Variants in CACNA1E observed in about 807,000 individuals in gnomAD.
CACNA1E encodes calcium voltage-gated channel subunit alpha1 E.
CACNA1E carries 40 observed loss-of-function variants against 259.2 expected under a neutral mutation model. That is an observed-to-expected ratio of 0.15 (90% CI 0.12 to 0.20). The LOEUF (loss-of-function observed/expected upper bound fraction) is 0.20, where lower values mean the gene tolerates loss of function less well. Ranked by LOEUF, CACNA1E falls within the 10% of genes least tolerant of loss-of-function variation. The probability of loss-of-function intolerance (pLI) is 1.00; values close to 1 mark genes in which losing one functional copy is unlikely to be tolerated. For missense variants in CACNA1E, 1,874 were observed against 3,040.1 expected (o/e 0.62, Z 9.02); for synonymous variants, 1,104 against 1,138.5 (o/e 0.97, Z 0.61).
At chr1:181,332,391 A>G (rs1393212055) in intron 1 of CACNA1E, among the ~76,000 whole-genome samples, 5 of 152,238 alleles carry the variant, frequency 3.3e-5, no homozygotes, top group African/African-American at 7.2e-5. Context: ...GTTGGAAAAA[A>G]AAGAGATAAT....
At chr1:181,522,680 G>A (rs1204919841) in intron 3 of CACNA1E, among the ~76,000 whole-genome samples, 1 of 152,120 alleles carries the variant, frequency 6.6e-6, no homozygotes, top group East Asian at 1.9e-4. Context: ...AAAGTGCTCT[G>A]TGAGTTACAT....
At chr1:181,790,415 A>G (rs1276137531) in intron 43 of CACNA1E, 30 bp from the exon 44 acceptor site, 7 of 1,431,732 alleles carry the variant, frequency 4.9e-6, no homozygotes, top group Admixed American at 3.4e-5. Context: ...ACTGTCCCTC[A>G]TTACCTCTGG....
rs571205015 is a variant in CACNA1E, at chr1:181,358,024, G to T, written c.-15+39901G>T. Among the ~76,000 whole-genome samples the T allele has an allele frequency of 3.0e-4, 46 of 152,302 alleles. 1 individual carries two copies. The highest frequency in any genetic ancestry group is 1.1e-3 in the African/African-American group (46 of 41,564). ...GCGTTCTGTCTGTCAGAAAGTGGGA[G>T]GTTTGGTCCTCTTCTAGTGTCAGGG... On this transcript the variant is annotated intron_variant, in intron 1 of 11. Transcript: ENST00000524607.
At chr1:181,537,175 C>T (rs554451142) in intron 3 of CACNA1E, among the ~76,000 whole-genome samples, 42 of 147,230 alleles carry the variant, frequency 2.9e-4, no homozygotes, top group Middle Eastern at 3.6e-3. Flanking sequence ...TCTCGGCTCA[C>T]TGCACCCTCC....
intron 47 of CACNA1E, 90 bp downstream of exon 47, chr1:181,796,948 G>A (rs915389968): frequency 3.0e-5 from 27 of 896,736 alleles, no homozygotes; most frequent in African/African-American, 2.7e-4. Flanking sequence ...TTTCGCAAAC[G>A]CATTCAAGTA....
At chr1:181,681,405 C>T (rs1435572274) in intron 7 of CACNA1E, among the ~76,000 whole-genome samples, 1 of 152,222 alleles carries the variant, frequency 6.6e-6, no homozygotes, top group African/African-American at 2.4e-5. Context: ...CCTGGAGCAT[C>T]CTTATCTGGT....
intron 1 of CACNA1E, among the ~76,000 whole-genome samples, chr1:181,490,166 G>T (rs949990013): frequency 6.6e-6 from 1 of 152,164 alleles, no homozygotes; most frequent in African/African-American, 2.4e-5. Context: ...TCTCTGGAAA[G>T]CAGGGAGCAG....
At chr1:181,604,161 G>T (rs182081994) in intron 6 of CACNA1E, among the ~76,000 whole-genome samples, 1 of 152,168 alleles carries the variant, frequency 6.6e-6, no homozygotes, top group African/African-American at 2.4e-5. Flanking sequence ...CAGTCTTCAA[G>T]TTCCATTGCT....
intron 1 of CACNA1E, among the ~76,000 whole-genome samples, chr1:181,400,415 A>AC (rs2102079042): frequency 6.6e-6 from 1 of 151,972 alleles, no homozygotes; most frequent in Non-Finnish European, 1.5e-5. Flanking sequence ...TGGGCTGCAG[A>AC]CCCTCTGGGG....
At chr1:181,751,101 G>A (rs1468335189) in intron 26 of CACNA1E, among the ~76,000 whole-genome samples, 1 of 152,116 alleles carries the variant, frequency 6.6e-6, no homozygotes, top group East Asian at 1.9e-4. Context: ...AGTAATCTGG[G>A]TCAACATGAA....
chr1:181,519,506 G>A (rs1041919389), intron 3 of CACNA1E, among the ~76,000 whole-genome samples: 2 of 152,170 alleles, frequency 1.3e-5, no homozygotes, highest in African/African-American at 4.8e-5. Context: ...ACAAGGTAAG[G>A]CTAAGGTTAC....
At chr1:181,428,918 A>C (rs2102240145) in intron 2 of CACNA1E, among the ~76,000 whole-genome samples, 1 of 152,320 alleles carries the variant, frequency 6.6e-6, no homozygotes, top group Middle Eastern at 3.4e-3. Flanking sequence ...GCGGTGGCTC[A>C]TGCCTGTAAT....
intron 1 of CACNA1E, among the ~76,000 whole-genome samples, chr1:181,342,569 C>T (rs1453487914): frequency 6.6e-6 from 1 of 152,086 alleles, no homozygotes; most frequent in Non-Finnish European, 1.5e-5. Context: ...GGAAAGAAGC[C>T]CAACAGAACA....
At chr1:181,784,805 G>C (rs1660720331) in intron 41 of CACNA1E, 37 bp downstream of exon 41, 1 of 1,262,432 alleles carries the variant, frequency 7.9e-7, no homozygotes, top group South Asian at 1.3e-5. Context: ...GTCACTGTGG[G>C]CCCAGCATGT....
At chr1:181,721,401 C>T (rs1040659320) in intron 15 of CACNA1E, among the ~76,000 whole-genome samples, 1 of 152,116 alleles carries the variant, frequency 6.6e-6, no homozygotes, top group Non-Finnish European at 1.5e-5. Flanking sequence ...GCTGCTGTTC[C>T]AGACCCTGTA....
At chr1:181,482,661 C>T (rs1663379709), upstream of CACNA1E, among the ~76,000 whole-genome samples, 1 of 152,276 alleles carries the variant, frequency 6.6e-6, no homozygotes, top group African/African-American at 2.4e-5. Context: ...CCTCCCCATT[C>T]TCCTTCCGCA....
chr1:181,390,882 T>A (rs1177923106), intron 1 of CACNA1E, among the ~76,000 whole-genome samples: 1 of 152,218 alleles, frequency 6.6e-6, no homozygotes, highest in Non-Finnish European at 1.5e-5. Flanking sequence ...AATTGCTTCC[T>A]GTTGGAAAGA....
chr1:181,356,147 A>G (rs1012176043), intron 1 of CACNA1E, among the ~76,000 whole-genome samples: 11 of 152,182 alleles, frequency 7.2e-5, no homozygotes, highest in African/African-American at 2.7e-4. Context: ...AAACTGCTCC[A>G]TTAGACTAGG....
intron 3 of CACNA1E, among the ~76,000 whole-genome samples, chr1:181,543,265 G>T (rs1312524727): frequency 6.6e-6 from 1 of 152,136 alleles, no homozygotes; most frequent in Non-Finnish European, 1.5e-5. Flanking sequence ...TGATGGGTGC[G>T]TGTGTCGGGA....
Sources: allele counts gnomAD v4.1 joint callset (sites outside exome capture counted in the v4.1 genomes callset), GRCh38; gene constraint gnomAD v4.1.1; transcripts MANE v1.5; gene names NCBI Gene and HGNC (gene_info 2026-07-23, HGNC 2026-07-21).